The following ZMAT4 variants were observed in gnomAD, a reference collection of about 807,000 sequenced individuals.
The protein encoded by ZMAT4 is zinc finger matrin-type protein 4.
A neutral mutation model predicts 28.7 loss-of-function variants in ZMAT4; 17 were observed. The observed-to-expected ratio is 0.59, with a 90% CI of 0.41 to 0.89. The LOEUF is 0.89. Ranked by LOEUF, ZMAT4 falls within the 40% of genes least tolerant of loss-of-function variation. The pLI is 0.00. For missense variants in ZMAT4, 240 were observed against 283.8 expected, an observed-to-expected ratio of 0.85 and a Z score of 1.11; for synonymous variants, 117 against 109.2, an observed-to-expected ratio of 1.07 and a Z score of -0.44.
chr8:40,553,206 C>T (rs907111829), intron 6 of ZMAT4, among the ~76,000 whole-genome samples: 2 of 152,138 alleles, frequency 1.3e-5, no homozygotes, highest in African/African-American at 2.4e-5. Context: ...GAGTGCAACA[C>T]CTTGGAAGCA....
At chr8:40,715,528 T>C (rs1042065510) in intron 3 of ZMAT4, among the ~76,000 whole-genome samples, 1 of 152,252 alleles carries the variant, frequency 6.6e-6, no homozygotes, top group Non-Finnish European at 1.5e-5. Flanking sequence ...TCTTTGTCCT[T>C]TATGAATTGT....
At chr8:40,554,179 G>A (rs932092612) in intron 6 of ZMAT4, among the ~76,000 whole-genome samples, 1 of 151,858 alleles carries the variant, frequency 6.6e-6, no homozygotes, top group African/African-American at 2.4e-5. Flanking sequence ...TACTTTTTTG[G>A]GGGTCACTTA....
intron 5 of ZMAT4, among the ~76,000 whole-genome samples, chr8:40,673,355 A>G (rs1196844300): frequency 6.6e-6 from 1 of 152,016 alleles, no homozygotes; most frequent in Non-Finnish European, 1.5e-5. Flanking sequence ...GTTCCAAGTC[A>G]TTTTCTGTTA....
In ZMAT4 at chr8:40,862,319, G is replaced by A. The variant is rs1414814834; in HGVS notation, c.-5+35364C>T. Among the ~76,000 whole-genome samples, 3 of 146,956 alleles carry A rather than the reference G, an allele frequency of 2.0e-5. 1 individual carries two copies. The South Asian group carries it at 6.5e-4, about 32-fold the overall frequency. On this transcript the variant is annotated intron_variant, in intron 1 of 6. Transcript: ENST00000297737. ...ATCATTCTCAGCAAATTATCGCAAG[G>A]ACAAAAAACCAAACACCGCATATTC... is the stretch of plus-strand genomic sequence containing the variant.
intron 5 of ZMAT4, among the ~76,000 whole-genome samples, chr8:40,616,884 A>T (rs200836401): frequency 5.1e-4 from 46 of 90,772 alleles, no homozygotes; most frequent in African/African-American, 2.9e-3. Flanking sequence ...ATTAAAGTAT[A>T]AAAAAAAAAA....
chr8:40,730,445 T>C (rs1246605482), intron 3 of ZMAT4, among the ~76,000 whole-genome samples: 2 of 152,260 alleles, frequency 1.3e-5, no homozygotes, highest in Non-Finnish European at 2.9e-5. Flanking sequence ...ATAGAAATGT[T>C]ATTTATAAAT....
chr8:40,601,990 C>T (rs1805411418), intron 5 of ZMAT4, among the ~76,000 whole-genome samples: 1 of 152,114 alleles, frequency 6.6e-6, no homozygotes, highest in East Asian at 1.9e-4. Context: ...GTACACTCTA[C>T]CCAATGTGTA....
chr8:40,638,498 T>C (rs1394685890), intron 5 of ZMAT4, among the ~76,000 whole-genome samples: 2 of 152,232 alleles, frequency 1.3e-5, no homozygotes, highest in Admixed American at 6.5e-5. Context: ...GAGTCTCTTC[T>C]ACAATAAAGC....
At chr8:40,622,071 T>G (rs1397749972) in intron 5 of ZMAT4, among the ~76,000 whole-genome samples, 1 of 152,226 alleles carries the variant, frequency 6.6e-6, no homozygotes, top group African/African-American at 2.4e-5. Flanking sequence ...CCAAGTATTT[T>G]ACATGTTTAC....
intron 2 of ZMAT4, among the ~76,000 whole-genome samples, chr8:40,792,856 G>A (rs1162305761): frequency 2.0e-5 from 3 of 151,512 alleles, no homozygotes; most frequent in Non-Finnish European, 4.4e-5. Flanking sequence ...AATCTGAAGA[G>A]GCTGCATCCT....
chr8:40,662,748 T>C lies in ZMAT4; in HGVS notation c.577+11956A>G, dbSNP rs575727401. 2.6e-5 allele frequency among the ~76,000 whole-genome samples: 4 copies of C among 152,340 alleles called. No individual in the cohort carries two copies. The South Asian group carries it at 8.3e-4, about 32-fold the overall frequency. On this transcript the variant is annotated intron_variant, in intron 5 of 6. Coordinates refer to ENST00000297737, the MANE Select transcript of ZMAT4 (RefSeq NM_024645.3). ...CTAAATTATTACTCATGTTACTCAT[T>C]ACATTTCTGTTTTTCCTATTGGAGT...
rs890747675 is a variant in ZMAT4, at chr8:40,773,533, A to G, written c.103-5803T>C. Among the ~76,000 whole-genome samples the G allele has an allele frequency of 8.5e-5, 13 of 152,238 alleles. No homozygotes were observed. The South Asian group carries it at 1.9e-3, about 22-fold the overall frequency. ...ATAAAAAAAAAACTGTGAAAAAAATATGAAAGAAGGTTTTGAGAAACTATC... is the reference window on the plus strand; with the variant it reads ...ATAAAAAAAAAACTGTGAAAAAAATGTGAAAGAAGGTTTTGAGAAACTATC... On this transcript the variant is annotated intron_variant, in intron 2 of 6. Coordinates refer to ENST00000297737, the MANE Select transcript of ZMAT4 (RefSeq NM_024645.3).
intron 5 of ZMAT4, among the ~76,000 whole-genome samples, chr8:40,664,207 T>C (rs2118865191): frequency 6.6e-6 from 1 of 152,250 alleles, no homozygotes; most frequent in South Asian, 2.1e-4. Context: ...GGGAGCTTCC[T>C]CCAGATGCTG....
At position 40,824,567 on chromosome 8, in the gene ZMAT4, C is replaced by T. The variant is rs79459302; in HGVS notation, c.102+1008G>A. Reference sequence around the variant, plus strand: ...AGTAGCTCTCAGCATCTTGGGATGCCGCAGCACTCCAGCCTGGATGACTGA... The same window carrying T: ...AGTAGCTCTCAGCATCTTGGGATGCTGCAGCACTCCAGCCTGGATGACTGA... On this transcript the variant is annotated intron_variant, in intron 2 of 6. Transcript: ENST00000297737. 9.2e-3 allele frequency among the ~76,000 whole-genome samples: 1,384 copies of T among 149,716 alleles called. 22 individuals carry two copies. Among genetic ancestry groups the T allele is most frequent in the African/African-American group, 0.031 (1,246 of 40,524 alleles).
At chr8:40,767,798 A>G in intron 2 of ZMAT4, 68 bp from the exon 3 acceptor site, 1 of 1,310,144 alleles carries the variant, frequency 7.6e-7, no homozygotes. Context: ...AAACCTAGCC[A>G]GTGCCCGCAA....
intron 1 of ZMAT4, among the ~76,000 whole-genome samples, chr8:40,848,329 C>G (rs1816981745): frequency 6.6e-6 from 1 of 152,174 alleles, no homozygotes; most frequent in Admixed American, 6.5e-5. Flanking sequence ...CACCCGTTGT[C>G]CATCACATCT....
At chr8:40,704,854 C>A (rs1033225045) in intron 3 of ZMAT4, among the ~76,000 whole-genome samples, 3 of 152,192 alleles carry the variant, frequency 2.0e-5, no homozygotes, top group Non-Finnish European at 4.4e-5. Flanking sequence ...ATACTCTGTA[C>A]TGAAATGGAT....
chr8:40,801,960 C>T (rs1207340122), intron 2 of ZMAT4, among the ~76,000 whole-genome samples: 3 of 151,630 alleles, frequency 2.0e-5, no homozygotes, highest in Non-Finnish European at 2.9e-5. Flanking sequence ...CATCAACGGG[C>T]TAAAGAGAAA....
intron 4 of ZMAT4, among the ~76,000 whole-genome samples, chr8:40,687,434 T>C (rs114608569): frequency 3.3e-3 from 508 of 152,182 alleles, no homozygotes; most frequent in African/African-American, 0.011. Flanking sequence ...GGGAGAGATA[T>C]TGGGTAAAGC....
Sources: allele counts gnomAD v4.1 joint callset (sites outside exome capture counted in the v4.1 genomes callset), GRCh38; gene constraint gnomAD v4.1.1; transcripts MANE v1.5; gene names NCBI Gene and HGNC (gene_info 2026-07-23, HGNC 2026-07-21).